The following PTPRD variants were observed in gnomAD, a reference collection of about 807,000 sequenced individuals.
PTPRD encodes protein tyrosine phosphatase receptor type D.
PTPRD carries 34 observed loss-of-function variants against 214.5 expected under a neutral mutation model. That is an observed-to-expected ratio of 0.16 (90% CI 0.12 to 0.21). The LOEUF is 0.21. PTPRD is among the 10% of genes least tolerant of loss of function. PTPRD has a pLI of 1.00. For missense variants in PTPRD, 2,545 were observed against 2,398.7 expected (o/e 1.06, Z -1.27); for synonymous variants, 1,128 against 845.7 (o/e 1.33, Z -5.79).
intron 7 of PTPRD, among the ~76,000 whole-genome samples, chr9:9,579,218 C>T (rs2089990677): frequency 6.6e-6 from 1 of 152,054 alleles, no homozygotes; most frequent in South Asian, 2.1e-4. Context: ...GGCTGGTCCT[C>T]ATTAATAACT....
rs1383926436 is a variant in PTPRD, at chr9:9,265,971, A to G, written c.-202-82608T>C. On this transcript the variant is annotated intron_variant, in intron 9 of 45. Transcript: ENST00000381196. Reference sequence around the variant, plus strand: ...GGTTCAGTAAACAAGATCAAATTATATGCCGTCTGTAAGAAACTCACATCT... The same window carrying G: ...GGTTCAGTAAACAAGATCAAATTATGTGCCGTCTGTAAGAAACTCACATCT... 2.6e-5 allele frequency among the ~76,000 whole-genome samples: 4 copies of G among 151,624 alleles called. No homozygotes were observed. In the South Asian group the frequency reaches 8.3e-4, roughly 31 times the overall value.
intron 3 of PTPRD, among the ~76,000 whole-genome samples, chr9:10,161,563 T>C (rs1280735392): frequency 1.3e-5 from 2 of 151,700 alleles, no homozygotes; most frequent in African/African-American, 4.8e-5. Context: ...GATTTGCAAA[T>C]CTTAATCGAA....
At chr9:9,236,410 A>C (rs973389326) in intron 9 of PTPRD, among the ~76,000 whole-genome samples, 1 of 152,000 alleles carries the variant, frequency 6.6e-6, no homozygotes, top group Non-Finnish European at 1.5e-5. Flanking sequence ...AATAAGATTA[A>C]AAAGCAGAAA....
chr9:10,462,696 A>G (rs1206881537), intron 2 of PTPRD, among the ~76,000 whole-genome samples: 1 of 151,856 alleles, frequency 6.6e-6, no homozygotes, highest in African/African-American at 2.4e-5. Context: ...ATTGAGAAGG[A>G]AGTAAGATAT....
chr9:8,683,446 C>T (rs966930246), intron 12 of PTPRD, among the ~76,000 whole-genome samples: 4 of 151,288 alleles, frequency 2.6e-5, no homozygotes, highest in African/African-American at 9.7e-5. Flanking sequence ...TTACAGAGGA[C>T]ATCAGTTGTT....
intron 2 of PTPRD, among the ~76,000 whole-genome samples, chr9:10,413,174 T>C (rs2098454624): frequency 6.6e-6 from 1 of 151,860 alleles, no homozygotes. Context: ...AGTCAAACTA[T>C]CTCTGCAGAT....
At chr9:9,868,722 A>T (rs2064656010) in intron 5 of PTPRD, among the ~76,000 whole-genome samples, 1 of 148,374 alleles carries the variant, frequency 6.7e-6, no homozygotes, top group South Asian at 2.1e-4. Flanking sequence ...AATATACTTA[A>T]ACTCCTGGAA....
chr9:9,340,068 A>G (rs73390900), intron 9 of PTPRD, among the ~76,000 whole-genome samples: 1,621 of 152,246 alleles, frequency 0.011, 24 homozygotes, highest in African/African-American at 0.036. Context: ...AGAGAGATAG[A>G]TAAATGGCAC....
rs372882819 is a variant in PTPRD at position 8,922,414 on chromosome 9, C to T, written c.-104+96283G>A. Among the ~76,000 whole-genome samples the T allele has an allele frequency of 1.0e-3, 156 of 152,312 alleles. 2 individuals are homozygous for T. The South Asian group carries it at 0.031, about 30-fold the overall frequency. ...ACACATCATGCTAAATGAACCATTA[C>T]TCCATGGTCGTATCCCTTACCTCCT... On this transcript the variant is annotated intron_variant, in intron 11 of 45. Transcript: ENST00000381196.
chr9:10,012,576 T>A (rs2096623765), intron 4 of PTPRD, among the ~76,000 whole-genome samples: 1 of 151,914 alleles, frequency 6.6e-6, no homozygotes. Context: ...AAGAGAGAAG[T>A]CTAGTAGACA....
chr9:10,238,706 T>C (rs2099637177), intron 3 of PTPRD, among the ~76,000 whole-genome samples: 1 of 151,978 alleles, frequency 6.6e-6, no homozygotes, highest in South Asian at 2.1e-4. Flanking sequence ...TAGACAATAA[T>C]ATATAGCAAA....
At chr9:10,564,093 G>A (rs769587092) in intron 2 of PTPRD, among the ~76,000 whole-genome samples, 1 of 148,860 alleles carries the variant, frequency 6.7e-6, no homozygotes, top group Non-Finnish European at 1.5e-5. Flanking sequence ...GCAGCCTCTG[G>A]GGCTCAAGTA....
chr9:10,379,438 A>G (rs2097782049), intron 2 of PTPRD, among the ~76,000 whole-genome samples: 1 of 151,936 alleles, frequency 6.6e-6, no homozygotes, highest in South Asian at 2.1e-4. Context: ...TCCTTGTTGC[A>G]TTCCAGATCT....
intron 7 of PTPRD, among the ~76,000 whole-genome samples, chr9:9,607,101 A>G (rs1429811137): frequency 2.7e-5 from 4 of 149,754 alleles, no homozygotes; most frequent in Non-Finnish European, 5.9e-5. Context: ...AACACTCTTT[A>G]TATTTAGGTT....
intron 7 of PTPRD, among the ~76,000 whole-genome samples, chr9:9,620,289 G>A (rs986455797): frequency 2.0e-5 from 3 of 152,256 alleles, no homozygotes; most frequent in African/African-American, 7.2e-5. Flanking sequence ...TATCTAGACT[G>A]TAAGTCCCAT....
chr9:8,774,527 CTTTTTTT>C (rs564318443), intron 11 of PTPRD, among the ~76,000 whole-genome samples: 1,351 of 105,224 alleles, frequency 0.013, 23 homozygotes, highest in African/African-American at 0.039. Context: ...TGAAAAGTAA[CTTTTTTT>C]TTTTTTTTTT....
chr9:10,439,740 G>T (rs948072065), intron 2 of PTPRD, among the ~76,000 whole-genome samples: 5 of 151,720 alleles, frequency 3.3e-5, no homozygotes, highest in African/African-American at 9.7e-5. Flanking sequence ...ACTTTTCACA[G>T]CCCTCTCCCT....
chr9:9,616,244 G>A (rs79435273), intron 7 of PTPRD, among the ~76,000 whole-genome samples: 24,270 of 152,030 alleles, frequency 0.16, 2,606 homozygotes, highest in Non-Finnish European at 0.24. Flanking sequence ...TATATCCCAA[G>A]TAATACAGTG....
chr9:10,226,105 T>C (rs929623819), intron 3 of PTPRD, among the ~76,000 whole-genome samples: 1 of 152,002 alleles, frequency 6.6e-6, no homozygotes, highest in South Asian at 2.1e-4. Context: ...CACAAGTCAA[T>C]ATCCATTGTC....
Sources: gnomAD v4.1 joint callset for allele counts (sites outside exome capture counted in the v4.1 genomes callset) on GRCh38, gnomAD v4.1.1 for gene constraint, MANE v1.5 for transcripts, NCBI Gene and HGNC (gene_info 2026-07-23, HGNC 2026-07-21) for gene names.